The following MAP4K3 variants were observed in gnomAD, a reference collection of about 807,000 sequenced individuals.
The protein encoded by MAP4K3 is MAPK/ERK kinase kinase kinase 3.
A neutral mutation model predicts 143.5 loss-of-function variants in MAP4K3; 94 were observed. That is an observed-to-expected ratio of 0.65 (90% confidence interval 0.55 to 0.78). The LOEUF (loss-of-function observed/expected upper bound fraction) is 0.78, where lower values mean the gene tolerates loss of function less well. Ranked by LOEUF, MAP4K3 falls within the 30% of genes least tolerant of loss-of-function variation. The pLI is 0.00. For missense variants in MAP4K3, 1,077 were observed against 1,068.1 expected (o/e 1.01, Z -0.12); for synonymous variants, 416 against 347.2 (o/e 1.20, Z -2.20).
chr2:39,254,470 T>C lies in MAP4K3; in HGVS notation c.2521A>G (p.Arg841Gly). The change falls in exon 32 of 34, where the codon AGA becomes GGA. Residue 841 changes from arginine to glycine, a missense_variant. By Grantham distance (125) the Arg-to-Gly change is moderately radical. This residue lies in a region of MAP4K3 where 864 missense variants were observed against 801.2 expected (regional missense o/e 1.08). Transcript: ENST00000263881. ...CTTACCTCATTAGATCTAAAACTTC[T>C]ACCTTGCATTCCATGTTTCCAGAAA... ...LAFWKHGMQG[R>G]SFRSNEVTQE... The C allele has an allele frequency of 1.9e-6, 3 of 1,613,960 alleles. No individual in the cohort carries two copies. The highest frequency in any genetic ancestry group is 2.5e-6 in the Non-Finnish European group (3 of 1,179,910).
chr2:39,334,216 T>C (rs1357227343), intron 6 of MAP4K3, among the ~76,000 whole-genome samples: 2 of 152,172 alleles, frequency 1.3e-5, no homozygotes, highest in African/African-American at 2.4e-5. Flanking sequence ...CACTTTTGCT[T>C]CTTGATCTAA....
chr2:39,267,263 A>T lies in MAP4K3; in HGVS notation c.1974-16T>A, dbSNP rs1225771244. 1 of 1,601,464 alleles carries T rather than the reference A, an allele frequency of 6.2e-7. No individual in the cohort carries two copies. On this transcript the variant is annotated splice_polypyrimidine_tract_variant and intron_variant, in intron 26 of 33. Coordinates refer to ENST00000263881, the MANE Select transcript of MAP4K3 (RefSeq NM_003618.4). ...AGAAAATTTCCTAAATGTAAATAAAAGTGAGTACGTAATATATGTAGGCAA... is the reference window on the plus strand; with the variant it reads ...AGAAAATTTCCTAAATGTAAATAAATGTGAGTACGTAATATATGTAGGCAA...
At chr2:39,343,010 A>T (rs1386125732) in intron 4 of MAP4K3, among the ~76,000 whole-genome samples, 1 of 152,162 alleles carries the variant, frequency 6.6e-6, no homozygotes, top group Admixed American at 6.5e-5. Flanking sequence ...CATTTAATTG[A>T]TATTTCTTGA....
rs17023539 is a variant in MAP4K3 at position 39,278,933 on chromosome 2, C to T, written c.1715-447G>A. ...TAATTTAAAAAACCCCAGAATCTGA[C>T]CACAGTCTATTAAAAAGTTAACTAA... On this transcript the variant is annotated intron_variant, in intron 23 of 33. Transcript: ENST00000263881. 7.9e-3 allele frequency among the ~76,000 whole-genome samples: 1,210 copies of T among 152,214 alleles called. 16 individuals carry two copies. Among genetic ancestry groups the T allele is most frequent in the African/African-American group, 0.028 (1,160 of 41,526 alleles).
chr2:39,411,109 T>C (rs1667219971), intron 1 of MAP4K3, among the ~76,000 whole-genome samples: 1 of 152,200 alleles, frequency 6.6e-6, no homozygotes, highest in East Asian at 1.9e-4. Context: ...CTCCATATAA[T>C]TGTATGCCTT....
intron 1 of MAP4K3, among the ~76,000 whole-genome samples, chr2:39,402,995 A>G (rs1355692817): frequency 6.6e-6 from 1 of 152,206 alleles, no homozygotes; most frequent in African/African-American, 2.4e-5. Flanking sequence ...ACCAAATCTC[A>G]TTAAAGAAAT....
At chr2:39,417,581 C>A (rs1667420548) in intron 1 of MAP4K3, among the ~76,000 whole-genome samples, 1 of 152,156 alleles carries the variant, frequency 6.6e-6, no homozygotes, top group African/African-American at 2.4e-5. Context: ...AAGGCCAGAA[C>A]AAACCATGTG....
At chr2:39,434,204 T>C (rs1324314638) in intron 1 of MAP4K3, among the ~76,000 whole-genome samples, 1 of 152,252 alleles carries the variant, frequency 6.6e-6, no homozygotes, top group East Asian at 1.9e-4. Context: ...GAACAAATTA[T>C]ATATATTGGC....
intron 12 of MAP4K3, among the ~76,000 whole-genome samples, chr2:39,322,590 ATATGTG>A (rs993402350): frequency 2.1e-4 from 10 of 48,114 alleles, no homozygotes; most frequent in African/African-American, 6.0e-4. Context: ...TAGATGTGGT[ATATGTG>A]TGTGTGTGTG....
rs1270972611 is a variant in MAP4K3, at chr2:39,311,714, G to A, written c.998-2195C>T. Among the ~76,000 whole-genome samples, 7 of 152,230 alleles carry A rather than the reference G, an allele frequency of 4.6e-5. No homozygotes were observed. The East Asian group carries it at 1.3e-3, about 29-fold the overall frequency. On this transcript the variant is annotated intron_variant, in intron 13 of 33. Coordinates refer to ENST00000263881, the MANE Select transcript of MAP4K3 (RefSeq NM_003618.4). ...AATGAGCTTGGAAGTAAATCTTCCAGTCCAGTCAAACATTCAGATGACTCC... is the reference window on the plus strand; with the variant it reads ...AATGAGCTTGGAAGTAAATCTTCCAATCCAGTCAAACATTCAGATGACTCC...
At chr2:39,391,291 A>C (rs1022826748) in intron 1 of MAP4K3, among the ~76,000 whole-genome samples, 5 of 132,914 alleles carry the variant, frequency 3.8e-5, no homozygotes, top group African/African-American at 1.4e-4. Flanking sequence ...CCCAGGCGGC[A>C]GAGCTTGCAG....
intron 1 of MAP4K3, among the ~76,000 whole-genome samples, chr2:39,411,646 C>T (rs1243470562): frequency 1.6e-4 from 25 of 152,206 alleles, no homozygotes; most frequent in East Asian, 1.5e-3. Context: ...CTGGCAAAGG[C>T]TTCGTCATCC....
chr2:39,266,687 T>C (rs1680780835), intron 27 of MAP4K3, among the ~76,000 whole-genome samples: 1 of 152,172 alleles, frequency 6.6e-6, no homozygotes, highest in South Asian at 2.1e-4. Flanking sequence ...GTCCCTTTTA[T>C]AATAATAGTA....
At chr2:39,422,433 C>T (rs565304675) in intron 1 of MAP4K3, among the ~76,000 whole-genome samples, 1 of 152,224 alleles carries the variant, frequency 6.6e-6, no homozygotes, top group South Asian at 2.1e-4. Flanking sequence ...GAGAAAACAG[C>T]CAACTATAAG....
intron 3 of MAP4K3, among the ~76,000 whole-genome samples, chr2:39,355,193 T>C (rs978420833): frequency 6.6e-6 from 1 of 151,682 alleles, no homozygotes; most frequent in African/African-American, 2.4e-5. Flanking sequence ...TGAAACCCCA[T>C]CTACTAAAAC....
chr2:39,343,887 AAC>A (rs1208152961), intron 3 of MAP4K3, among the ~76,000 whole-genome samples: 2 of 152,296 alleles, frequency 1.3e-5, no homozygotes, highest in Middle Eastern at 3.4e-3. Context: ...ATTTTCCCAA[AAC>A]AGTCTTAAAA....
chr2:39,431,367 T>C (rs1474353020), intron 1 of MAP4K3, among the ~76,000 whole-genome samples: 1 of 152,128 alleles, frequency 6.6e-6, no homozygotes, highest in Non-Finnish European at 1.5e-5. Context: ...AAGGTTACAG[T>C]ATTTTGTTGG....
rs771355575 is a variant in MAP4K3, at chr2:39,260,720, C to G, written c.2194G>C (p.Glu732Gln). The change falls in exon 29 of 34, where the codon GAA becomes CAA. Residue 732 changes from glutamate (E) to glutamine (Q), a missense_variant. Physicochemically the swap from Glu to Gln is conservative, Grantham distance 29. This residue lies in a region of MAP4K3 where 864 missense variants were observed against 801.2 expected (regional missense o/e 1.08). Transcript: ENST00000263881. Reference protein sequence around the residue: ...LRMFEMLVVPEQEYPLVCVGV... With the variant: ...LRMFEMLVVPQQEYPLVCVGV... ...ACACAAACTAAAGGGTACTCCTGTT[C>G]AGGAACTACCAGCATTTCAAACATT... 6.2e-7 allele frequency: 1 copy of G among 1,613,542 alleles called. No homozygotes were observed. The highest frequency in any genetic ancestry group is 8.5e-7 in the Non-Finnish European group (1 of 1,179,538).
At chr2:39,289,964 G>A (rs974340152) in intron 19 of MAP4K3, among the ~76,000 whole-genome samples, 2 of 152,014 alleles carry the variant, frequency 1.3e-5, no homozygotes, top group African/African-American at 4.8e-5. Flanking sequence ...GTGGGTGCCT[G>A]TAATCCCAGC....
Sources: allele counts gnomAD v4.1 joint callset (sites outside exome capture counted in the v4.1 genomes callset), GRCh38; gene constraint gnomAD v4.1.1; regional missense constraint gnomAD v4.1.1; transcripts MANE v1.5; gene names NCBI Gene and HGNC (gene_info 2026-07-23, HGNC 2026-07-21).